NDST4: variants seen among roughly 807,000 people sequenced by gnomAD.
NDST4 encodes the protein N-heparan sulfate sulfotransferase 4.
In NDST4, 63 loss-of-function variants were observed where a neutral mutation model predicts 100.8. That is an observed-to-expected ratio of 0.62 (90% CI 0.51 to 0.77). The LOEUF (loss-of-function observed/expected upper bound fraction) is 0.77. Ranked by LOEUF, NDST4 falls within the 30% of genes least tolerant of loss-of-function variation. The pLI, the probability that NDST4 is intolerant of heterozygous loss-of-function variation, is 0.00. For synonymous variants in NDST4, 377 were observed against 361.8 expected (o/e 1.04, Z -0.48); for missense variants, 943 against 1,018.4 (o/e 0.93, Z 1.01).
At chr4:114,913,199 G>A (rs1475000965) in intron 6 of NDST4, among the ~76,000 whole-genome samples, 1 of 151,936 alleles carries the variant, frequency 6.6e-6, no homozygotes, top group Non-Finnish European at 1.5e-5. Context: ...AGGACTGTAT[G>A]TTAAATATTG....
chr4:115,022,702 A>G (rs370796228), intron 2 of NDST4, among the ~76,000 whole-genome samples: 2 of 152,202 alleles, frequency 1.3e-5, no homozygotes, highest in East Asian at 1.9e-4. Context: ...GTTCCCACAT[A>G]TCATGGGAGG....
At chr4:115,103,859 T>C (rs887208069) in intron 1 of NDST4, among the ~76,000 whole-genome samples, 3 of 152,074 alleles carry the variant, frequency 2.0e-5, no homozygotes, top group African/African-American at 7.2e-5. Context: ...AAAAGCATGA[T>C]AAAAACTCAA....
intron 1 of NDST4, among the ~76,000 whole-genome samples, chr4:115,084,888 A>G (rs994191851): frequency 2.0e-5 from 3 of 151,994 alleles, no homozygotes; most frequent in African/African-American, 2.4e-5. Context: ...CCCCCCCCAC[A>G]GTCCCTACTG....
At chr4:115,018,961 A>T (rs1263098366) in intron 2 of NDST4, among the ~76,000 whole-genome samples, 1 of 152,002 alleles carries the variant, frequency 6.6e-6, no homozygotes, top group Non-Finnish European at 1.5e-5. Flanking sequence ...TTTATAGGTA[A>T]TAATTATCTT....
intron 1 of NDST4, among the ~76,000 whole-genome samples, chr4:115,095,974 T>G (rs1729613531): frequency 6.6e-6 from 1 of 152,058 alleles, no homozygotes; most frequent in African/African-American, 2.4e-5. Flanking sequence ...TCTAAAATCT[T>G]TAAGTCATTT....
At chr4:114,990,927 T>C (rs566104239) in intron 2 of NDST4, among the ~76,000 whole-genome samples, 1 of 152,214 alleles carries the variant, frequency 6.6e-6, no homozygotes, top group African/African-American at 2.4e-5. Context: ...TAGCTGCTAA[T>C]GAGACTTCAA....
intron 2 of NDST4, among the ~76,000 whole-genome samples, chr4:114,989,011 A>G (rs944401797): frequency 8.6e-5 from 13 of 151,714 alleles, no homozygotes; most frequent in African/African-American, 2.9e-4. Flanking sequence ...CAAAAACTTA[A>G]GAGTTTCAAA....
intron 2 of NDST4, among the ~76,000 whole-genome samples, chr4:115,050,960 A>G (rs1359430238): frequency 6.6e-6 from 1 of 152,124 alleles, no homozygotes; most frequent in Non-Finnish European, 1.5e-5. Context: ...CAGTGAAAAT[A>G]GCTTCTCAGA....
intron 6 of NDST4, among the ~76,000 whole-genome samples, chr4:114,899,298 C>T (rs902396653): frequency 2.0e-5 from 3 of 152,204 alleles, no homozygotes; most frequent in African/African-American, 7.2e-5. Flanking sequence ...CTGCCTCAGC[C>T]TCCTGAGTAG....
Position 114,852,837 on chromosome 4 carries a change from A to C in NDST4, c.1720-16T>G, listed in dbSNP as rs747666895. The stretch of plus-strand genomic sequence containing the variant: ...CACATGGATTCTGCAAGAAGGAAGA[A>C]TAAGTAACCTCACAGTGTAATGACT... On this transcript the variant is annotated splice_polypyrimidine_tract_variant and intron_variant, in intron 7 of 13. Transcript: ENST00000264363. 1 of 1,550,418 alleles carries C rather than the reference A, an allele frequency of 6.4e-7. No homozygotes were observed. Among genetic ancestry groups the C allele is most frequent in the Non-Finnish European group, 8.9e-7 (1 of 1,125,754 alleles).
intron 2 of NDST4, among the ~76,000 whole-genome samples, chr4:115,016,256 GT>G (rs2126262845): frequency 6.6e-6 from 1 of 152,150 alleles, no homozygotes; most frequent in South Asian, 2.1e-4. Flanking sequence ...CACCAAGTAG[GT>G]GGCAATTCTT....
intron 6 of NDST4, among the ~76,000 whole-genome samples, chr4:114,922,807 T>C (rs1223784089): frequency 1.3e-5 from 2 of 152,210 alleles, no homozygotes; most frequent in Admixed American, 6.5e-5. Context: ...TTTGTTAATT[T>C]ATTCAACCTA....
At chr4:114,863,901 C>T (rs73850703) in intron 7 of NDST4, among the ~76,000 whole-genome samples, 2,699 of 152,250 alleles carry the variant, frequency 0.018, 87 homozygotes, top group African/African-American at 0.061. Flanking sequence ...GCAGAAGCAC[C>T]CTTGGATATT....
At chr4:114,867,646 T>TTAAAAAAAAAAA (rs1553949943) in intron 7 of NDST4, among the ~76,000 whole-genome samples, 1 of 26,778 alleles carries the variant, frequency 3.7e-5, no homozygotes. Context: ...ATGAGAATTA[T>TTAAAAAAAAAAA]AAAAAAAAAA....
At chr4:115,094,881 GAAC>G (rs5861202) in intron 1 of NDST4, among the ~76,000 whole-genome samples, 117,058 of 151,750 alleles carry the variant, frequency 0.77, 45,811 homozygotes, top group African/African-American at 0.89. Flanking sequence ...CTTTGATCTA[GAAC>G]TTCTAGCCCC....
chr4:114,925,855 T>G (rs1013518468), intron 6 of NDST4, among the ~76,000 whole-genome samples: 2 of 152,190 alleles, frequency 1.3e-5, no homozygotes, highest in African/African-American at 4.8e-5. Context: ...AATGTTGCTC[T>G]TTGTGTAGCA....
chr4:115,037,492 C>A (rs952112472), intron 2 of NDST4, among the ~76,000 whole-genome samples: 1 of 152,086 alleles, frequency 6.6e-6, no homozygotes, highest in African/African-American at 2.4e-5. Flanking sequence ...ATACATCACA[C>A]AAATCCTCAG....
chr4:115,042,328 G>A (rs906278445), intron 2 of NDST4, among the ~76,000 whole-genome samples: 1 of 152,066 alleles, frequency 6.6e-6, no homozygotes, highest in Non-Finnish European at 1.5e-5. Flanking sequence ...ATGGCTCAAT[G>A]ATCCAAGATC....
chr4:114,965,300 A>T lies in NDST4; in HGVS notation c.1221+5130T>A, dbSNP rs1281712233. 3.3e-5 allele frequency among the ~76,000 whole-genome samples: 5 copies of T among 152,064 alleles called. No individual in the cohort carries two copies. The East Asian group carries it at 9.6e-4, about 29-fold the overall frequency. ...CATTTCATTATACTATTAATTTGTTATCATATTACTTTATTTCTTTTTAAT... is the reference window on the plus strand; with the variant it reads ...CATTTCATTATACTATTAATTTGTTTTCATATTACTTTATTTCTTTTTAAT... On this transcript the variant is annotated intron_variant, in intron 4 of 13. Transcript: ENST00000264363.
Sources: gnomAD v4.1 joint callset for allele counts (sites outside exome capture counted in the v4.1 genomes callset) on GRCh38, gnomAD v4.1.1 for gene constraint, MANE v1.5 for transcripts, NCBI Gene and HGNC (gene_info 2026-07-23, HGNC 2026-07-21) for gene names.